ARHGAP12: variants seen among roughly 807,000 people sequenced by gnomAD.
ARHGAP12 encodes Rho GTPase activating protein 12, also known as rho GTPase-activating protein 12.
A neutral mutation model predicts 108.6 loss-of-function variants in ARHGAP12; 64 were observed. The observed-to-expected ratio is 0.59, with a 90% CI of 0.48 to 0.73. The LOEUF is 0.73. ARHGAP12 is among the 30% of genes least tolerant of loss of function. The pLI is 0.00. For missense variants in ARHGAP12, 940 were observed against 1,005.9 expected, an observed-to-expected ratio of 0.93 and a Z score of 0.89; for synonymous variants, 312 against 337.2, an observed-to-expected ratio of 0.93 and a Z score of 0.82.
At chr10:31,892,341 T>C (rs974295946) in intron 3 of ARHGAP12, among the ~76,000 whole-genome samples, 2 of 152,084 alleles carry the variant, frequency 1.3e-5, no homozygotes, top group African/African-American at 4.8e-5. Context: ...TTAAGACCCA[T>C]CAGTGTGCTG....
chr10:31,881,401 A>G (rs1292907361), intron 3 of ARHGAP12, among the ~76,000 whole-genome samples: 1 of 152,236 alleles, frequency 6.6e-6, no homozygotes, highest in Non-Finnish European at 1.5e-5. Context: ...TATCAATTCT[A>G]AAGCAATATG....
At chr10:31,862,023 G>A (rs1255048879) in intron 3 of ARHGAP12, among the ~76,000 whole-genome samples, 1 of 152,156 alleles carries the variant, frequency 6.6e-6, no homozygotes, top group Non-Finnish European at 1.5e-5. Flanking sequence ...GAGGGAATTG[G>A]ACTAAACCAC....
In ARHGAP12 at chr10:31,852,920, G is replaced by T. The variant is rs1264114430; in HGVS notation, c.1090-323C>A. Among the ~76,000 whole-genome samples, 7 of 151,918 alleles carry T rather than the reference G, an allele frequency of 4.6e-5. No homozygotes were observed. The East Asian group carries it at 1.2e-3, about 25-fold the overall frequency. Reference sequence around the variant, plus strand: ...TTTGTGTTTTTTTAGTAGAGATGGGGTTTCTCCATGTTGGTCAGGCTGGTA... The same window carrying T: ...TTTGTGTTTTTTTAGTAGAGATGGGTTTTCTCCATGTTGGTCAGGCTGGTA... On this transcript the variant is annotated intron_variant, in intron 5 of 19. Coordinates refer to ENST00000344936, the MANE Select transcript of ARHGAP12 (RefSeq NM_018287.7).
Position 31,820,350 on chromosome 10 carries a change from G to C in ARHGAP12, c.1632+37C>G, listed in dbSNP as rs755191597. On this transcript the variant is annotated intron_variant, in intron 12 of 19. Transcript: ENST00000344936. ...AAAAACAGAACATCCAATTACTACA[G>C]TTTAGAATGTGTTATACTTAGAAAA... 3.3e-6 allele frequency: 5 copies of C among 1,501,986 alleles called. No individual in the cohort carries two copies. The East Asian group carries it at 7.1e-5, about 21-fold the overall frequency. The allele number at this position is 1,501,986 out of a possible 1,614,324, so 93.0% of individuals were successfully genotyped here. A position where few individuals can be genotyped will look rare whatever the true frequency, so the allele number is the denominator to read the frequency against.
At chr10:31,890,811 A>G (rs971076203) in intron 3 of ARHGAP12, among the ~76,000 whole-genome samples, 16 of 152,238 alleles carry the variant, frequency 1.1e-4, no homozygotes, top group African/African-American at 3.9e-4. Context: ...CTAATCCTGA[A>G]TTAACCAGAA....
At chr10:31,855,657 CATAGACG>C in intron 4 of ARHGAP12, among the ~76,000 whole-genome samples, 2 of 152,264 alleles carry the variant, frequency 1.3e-5, no homozygotes, top group East Asian at 3.9e-4. Context: ...AATGCAAGCT[CATAGACG>C]AGAAGAGTGC....
intron 3 of ARHGAP12, among the ~76,000 whole-genome samples, chr10:31,906,541 T>C (rs538004748): frequency 6.6e-6 from 1 of 152,252 alleles, no homozygotes; most frequent in South Asian, 2.1e-4. Flanking sequence ...TCATATTTGC[T>C]GTAAAGTGGA....
At chr10:31,893,003 G>A (rs1014358928) in intron 3 of ARHGAP12, among the ~76,000 whole-genome samples, 4 of 152,048 alleles carry the variant, frequency 2.6e-5, no homozygotes, top group Non-Finnish European at 5.9e-5. Flanking sequence ...AATGACTACT[G>A]GGTACATAAC....
intron 4 of ARHGAP12, 129 bp downstream of exon 4, chr10:31,861,266 T>C (rs1837101622): frequency 8.8e-7 from 1 of 1,138,264 alleles, no homozygotes; most frequent in Admixed American, 2.8e-5. Flanking sequence ...GAAAGAATTT[T>C]TAATGATCTT....
At chr10:31,828,292 T>G (rs964144526) in intron 10 of ARHGAP12, among the ~76,000 whole-genome samples, 1 of 152,134 alleles carries the variant, frequency 6.6e-6, no homozygotes, top group African/African-American at 2.4e-5. Flanking sequence ...AGTTTTGCTT[T>G]TTTATGCTTC....
At chr10:31,839,589 A>G in intron 8 of ARHGAP12, 48 bp downstream of exon 8, 1 of 1,479,638 alleles carries the variant, frequency 6.8e-7, no homozygotes, top group Non-Finnish European at 9.2e-7. Context: ...GCTAAAATTG[A>G]TTGAAATAAC....
chr10:31,849,559 C>A (rs185046210), intron 6 of ARHGAP12, among the ~76,000 whole-genome samples: 1 of 152,148 alleles, frequency 6.6e-6, no homozygotes, highest in Admixed American at 6.5e-5. Flanking sequence ...CTTAAGAGTG[C>A]AGAATGTAAC....
intron 9 of ARHGAP12, among the ~76,000 whole-genome samples, chr10:31,837,201 C>T (rs557561745): frequency 2.0e-5 from 3 of 152,288 alleles, no homozygotes; most frequent in African/African-American, 4.8e-5. Flanking sequence ...CTGTGCATTA[C>T]CTACATTTAA....
intron 3 of ARHGAP12, among the ~76,000 whole-genome samples, chr10:31,863,511 C>T (rs570611360): frequency 2.6e-5 from 4 of 152,236 alleles, no homozygotes; most frequent in Admixed American, 2.0e-4. Context: ...GTTGTTTAAA[C>T]AGTTTAAATT....
chr10:31,859,776 T>A (rs976255295), intron 4 of ARHGAP12, among the ~76,000 whole-genome samples: 49 of 151,976 alleles, frequency 3.2e-4, no homozygotes, highest in African/African-American at 1.1e-3. Flanking sequence ...ATCTTTCTAA[T>A]GTACAATTCA....
intron 1 of ARHGAP12, among the ~76,000 whole-genome samples, chr10:31,917,119 T>G (rs1032085943): frequency 3.3e-4 from 50 of 152,078 alleles, no homozygotes; most frequent in African/African-American, 1.1e-3. Flanking sequence ...TTAAAATTAA[T>G]AATCCCAGGC....
At position 31,807,337 on chromosome 10, in the gene ARHGAP12, C is replaced by A; in HGVS notation, c.*321G>T. 5.2e-6 allele frequency: 1 copy of A among 191,200 alleles called. No individual in the cohort carries two copies. The highest frequency in any genetic ancestry group is 1.1e-5 in the Non-Finnish European group (1 of 94,206). The allele number at this position is 191,200 out of a possible 1,614,324, so 11.8% of individuals were successfully genotyped here. A position where few individuals can be genotyped will look rare whatever the true frequency, so the allele number is the denominator to read the frequency against. The stretch of plus-strand genomic sequence containing the variant: ...TATCCAATTTCAGGGAAAAAAAATA[C>A]AGTTTTCTTACCAAATTATCCAGTG... On this transcript the variant is annotated 3_prime_UTR_variant, in exon 20 of 20. Transcript: ENST00000344936.
At chr10:31,915,212 C>T (rs543757691) in intron 1 of ARHGAP12, among the ~76,000 whole-genome samples, 1 of 152,220 alleles carries the variant, frequency 6.6e-6, no homozygotes, top group South Asian at 2.1e-4. Context: ...CATGGAGAAA[C>T]TCCGTCTCTA....
chr10:31,840,305 AT>A (rs937162329), intron 7 of ARHGAP12, among the ~76,000 whole-genome samples: 7 of 151,986 alleles, frequency 4.6e-5, no homozygotes, highest in Non-Finnish European at 1.0e-4. Flanking sequence ...AGAAAAAAAA[AT>A]TTTAATGTCT....
Sources: gnomAD v4.1 joint callset for allele counts (sites outside exome capture counted in the v4.1 genomes callset) on GRCh38, gnomAD v4.1.1 for gene constraint, MANE v1.5 for transcripts, NCBI Gene and HGNC (gene_info 2026-07-23, HGNC 2026-07-21) for gene names.